EDRF1: variants seen among roughly 807,000 people sequenced by gnomAD.
EDRF1 encodes the protein erythroid differentiation-related factor 1.
In EDRF1, 69 loss-of-function variants were observed where a neutral mutation model predicts 148.7. The observed-to-expected ratio is 0.46, with a 90% CI of 0.38 to 0.57. EDRF1 has a LOEUF of 0.57. Ranked by LOEUF, EDRF1 falls within the 20% of genes least tolerant of loss-of-function variation. The pLI is 0.00. For missense variants in EDRF1, 1,118 were observed against 1,478.7 expected (o/e 0.76, Z 4.00); for synonymous variants, 515 against 532.8 (o/e 0.97, Z 0.46).
chr10:125,732,007 C>A, intron 9 of EDRF1: 1 of 347,252 alleles, frequency 2.9e-6, no homozygotes. Flanking sequence ...TGCTTTGAAC[C>A]GTTATATTCC....
chr10:125,724,886 A>G (rs1287337837), intron 4 of EDRF1, among the ~76,000 whole-genome samples: 1 of 152,238 alleles, frequency 6.6e-6, no homozygotes, highest in African/African-American at 2.4e-5. Context: ...GACATTTAAA[A>G]TAAGTGCTTT....
rs563427970 is a variant in EDRF1 at position 125,747,553 on chromosome 10, G to A, written c.2832G>A (p.Leu944=). ...CTTTGCAGGCTATTGATTACTATTT[G>A]AAAGCGCTAAGGTCATTGGGAACAC... The part of the protein sequence containing the change: ...LYYNKAIDYY[L]KALRSLGTRD... The change falls in exon 20 of 25, where the codon TTG becomes TTA. Residue 944 remains leucine (L), a synonymous_variant. Transcript: ENST00000356792. 1 of 1,614,132 alleles carries A rather than the reference G, an allele frequency of 6.2e-7. No homozygotes were observed. Among genetic ancestry groups the A allele is most frequent in the South Asian group, 1.1e-5 (1 of 91,076 alleles).
chr10:125,734,231 TAGG>T (rs1365011368), intron 12 of EDRF1, 48 bp downstream of exon 12: 13 of 1,397,442 alleles, frequency 9.3e-6, no homozygotes, highest in Non-Finnish European at 1.3e-5. Context: ...AGCATTCTAA[TAGG>T]AGATTGTTAC....
chr10:125,728,988 T>C lies in EDRF1; in HGVS notation c.793-15T>C. 6.4e-7 allele frequency: 1 copy of C among 1,559,684 alleles called. No individual in the cohort carries two copies. The highest frequency in any genetic ancestry group is 8.6e-7 in the Non-Finnish European group (1 of 1,158,806). Reference sequence around the variant, plus strand: ...TTGACAGCAGAATCACTCCTTATCCTTGCACTTTTCACAGGGAAGTGAGCC... The same window carrying C: ...TTGACAGCAGAATCACTCCTTATCCCTGCACTTTTCACAGGGAAGTGAGCC... On this transcript the variant is annotated splice_polypyrimidine_tract_variant and intron_variant, in intron 6 of 24. Transcript: ENST00000356792.
rs1214836692 is a variant in EDRF1, at chr10:125,738,400, G to A, written c.1936G>A (p.Gly646Ser). Reference sequence around the variant, plus strand: ...ATATGAAGATGAATCCTCAAGAGGGGGTCCCGAGGGGCTAGAGAAGCAGAT... The same window carrying A: ...ATATGAAGATGAATCCTCAAGAGGGAGTCCCGAGGGGCTAGAGAAGCAGAT... The part of the protein sequence containing the change: ...LKYEDESSRG[G>S]PEGLEKQMAL... Residue 646 changes from glycine (G) to serine (S), a missense_variant, in exon 15 of 25, where the codon GGT (glycine) becomes AGT (serine). This residue lies in a region of EDRF1 where 954 missense variants were observed against 1,241.4 expected (regional missense o/e 0.77). Coordinates refer to ENST00000356792, the MANE Select transcript of EDRF1 (RefSeq NM_001202438.2). The A allele has an allele frequency of 6.2e-6, 10 of 1,614,068 alleles. No individual in the cohort carries two copies. Among genetic ancestry groups the A allele is most frequent in the Non-Finnish European group, 7.6e-6 (9 of 1,179,992 alleles).
rs76903239 is a variant in EDRF1 at position 125,723,219 on chromosome 10, A to G, written c.384+85A>G. ...TCATGCTGTGTTTTGCATAATATAA[A>G]TGTGCAAGTCTTGAGAAATTAGTGA... On this transcript the variant is annotated intron_variant, in intron 3 of 24. Coordinates refer to ENST00000356792, the MANE Select transcript of EDRF1 (RefSeq NM_001202438.2). 10,814 of 1,184,466 alleles carry G rather than the reference A, an allele frequency of 9.1e-3. 590 individuals carry two copies. In the African/African-American group the frequency reaches 0.13, roughly 15 times the overall value. The allele number at this position is 1,184,466 out of a possible 1,614,324, so 73.4% of individuals were successfully genotyped here.
chr10:125,747,245 G>A, intron 19 of EDRF1: 3 of 324,324 alleles, frequency 9.3e-6, no homozygotes, highest in Non-Finnish European at 1.7e-5. Flanking sequence ...AAAAACAAAG[G>A]AAACAAGTGC....
chr10:125,740,357 C>A, intron 15 of EDRF1, 106 bp from the exon 16 acceptor site: 1 of 1,147,964 alleles, frequency 8.7e-7, no homozygotes, highest in Non-Finnish European at 1.3e-6. Flanking sequence ...CCAGTCTTGT[C>A]ACCTAAGTCT....
chr10:125,724,853 A>G (rs769976868), intron 4 of EDRF1, among the ~76,000 whole-genome samples: 2 of 152,196 alleles, frequency 1.3e-5, no homozygotes, highest in African/African-American at 4.8e-5. Flanking sequence ...TGATAAAGAA[A>G]ATTAAATTAT....
intron 22 of EDRF1, 183 bp downstream of exon 22, chr10:125,749,748 G>A (rs547241609): frequency 1.2e-5 from 8 of 688,506 alleles, no homozygotes; most frequent in South Asian, 1.8e-5. Context: ...TTAAAACTTA[G>A]AGGAATGTAT....
chr10:125,763,212 G>T lies in EDRF1; in HGVS notation c.3546-89G>T. On this transcript the variant is annotated intron_variant, in intron 24 of 24. Transcript: ENST00000356792. This position sits in a 1 kb window ranked among gnomAD's most constrained non-coding sequence, Gnocchi z 4.3. ...TGCTGCTCTGTGAAGAGTGACTGTTGGGCTGTCACTGTCCGGTTTTCTGGA... is the reference window on the plus strand; with the variant it reads ...TGCTGCTCTGTGAAGAGTGACTGTTTGGCTGTCACTGTCCGGTTTTCTGGA... The T allele has an allele frequency of 7.8e-7, 1 of 1,280,396 alleles. No homozygotes were observed. The highest frequency in any genetic ancestry group is 1.1e-6 in the Non-Finnish European group (1 of 890,206). 79.3% of individuals were successfully genotyped at this position (1,280,396 alleles called of 1,614,324 possible).
At chr10:125,761,797 A>G (rs1237423415) in intron 24 of EDRF1, among the ~76,000 whole-genome samples, 3 of 152,236 alleles carry the variant, frequency 2.0e-5, no homozygotes, top group African/African-American at 7.2e-5. Flanking sequence ...TAGGCACCCA[A>G]CTATTAATAA....
intron 17 of EDRF1, chr10:125,742,129 C>A: frequency 1.1e-6 from 1 of 928,476 alleles, no homozygotes; most frequent in Non-Finnish European, 1.5e-6. Flanking sequence ...CTGAATGATT[C>A]CTTGGGGCTG....
At chr10:125,750,219 A>G (rs1486853060) in intron 22 of EDRF1, among the ~76,000 whole-genome samples, 2 of 152,210 alleles carry the variant, frequency 1.3e-5, no homozygotes, top group East Asian at 3.9e-4. Context: ...GTAAAGGAGT[A>G]GTGGACCTTA....
chr10:125,746,545 G>A (rs1474458028), intron 19 of EDRF1, among the ~76,000 whole-genome samples: 2 of 152,174 alleles, frequency 1.3e-5, no homozygotes, highest in African/African-American at 4.8e-5. Context: ...AAAGTAAATG[G>A]CTAATATATA....
intron 6 of EDRF1, among the ~76,000 whole-genome samples, chr10:125,726,645 A>G (rs996326076): frequency 6.6e-6 from 1 of 152,218 alleles, no homozygotes; most frequent in Admixed American, 6.5e-5. Context: ...CAATCTTCAC[A>G]AATTACAGGG....
chr10:125,721,703 A>C (rs1411933091), intron 2 of EDRF1, among the ~76,000 whole-genome samples: 1 of 152,270 alleles, frequency 6.6e-6, no homozygotes, highest in Non-Finnish European at 1.5e-5. Context: ...GCCAATTTGC[A>C]TACCTTTTGG....
At chr10:125,755,852 T>C (rs1849878018) in intron 24 of EDRF1, among the ~76,000 whole-genome samples, 1 of 152,190 alleles carries the variant, frequency 6.6e-6, no homozygotes. Context: ...TTGGTCATTC[T>C]AGCTAGAAGT....
chr10:125,740,512 T>C lies in EDRF1; in HGVS notation c.2031T>C (p.Pro677=), dbSNP rs368505489. 1 of 1,614,038 alleles carries C rather than the reference T, an allele frequency of 6.2e-7. No individual in the cohort carries two copies. The highest frequency in any genetic ancestry group is 1.3e-5 in the African/African-American group (1 of 74,920). Residue 677 remains proline (P), a synonymous_variant, in exon 16 of 25, where the codon CCT becomes CCC. Transcript: ENST00000356792. ...GNYSSQSGMI[P]GSWQHKMKLQ... is the part of the protein sequence containing the mutation. ...ATTCCAGTCAATCTGGAATGATCCC[T>C]GGCTCTTGGCAACATAAAATGAAAC... is the stretch of plus-strand genomic sequence containing the variant.
Sources: gnomAD v4.1 joint callset for allele counts (sites outside exome capture counted in the v4.1 genomes callset) on GRCh38, gnomAD v4.1.1 for gene constraint, gnomAD v4.1.1 regional missense constraint, Gnocchi (gnomAD v3.1) non-coding constraint, MANE v1.5 for transcripts, NCBI Gene and HGNC (gene_info 2026-07-23, HGNC 2026-07-21) for gene names.